Variants in NADK2 observed in about 807,000 individuals in gnomAD.
The protein encoded by NADK2 is NAD kinase domain-containing protein 1, mitochondrial.
Under a neutral mutation model 62.1 loss-of-function variants are expected in NADK2, and 35 were observed. That is an observed-to-expected ratio of 0.56 (90% CI 0.43 to 0.75). The LOEUF is 0.75. Among genes scored for constraint, NADK2 ranks in the 30% least tolerant of loss-of-function variants. The pLI, the probability that NADK2 is intolerant of heterozygous loss-of-function variation, is 0.00. For synonymous variants in NADK2, 205 were observed against 207.9 expected (o/e 0.99, Z 0.12); for missense variants, 439 against 561.3 (o/e 0.78, Z 2.20).
At position 36,241,054 on chromosome 5, in the gene NADK2, G is replaced by T. The variant is rs1748092865; in HGVS notation, c.300+445C>A. ...CCCGGCAGCCCTCAGCGGCGCCCTG[G>T]GCCCCCTTTCTCGCGGCGGCCAGGG... On this transcript the variant is annotated intron_variant, in intron 1 of 11. Coordinates refer to ENST00000381937, the MANE Select transcript of NADK2 (RefSeq NM_001085411.3). This position sits in a 1 kb window ranked among gnomAD's most constrained non-coding sequence, Gnocchi z 4.9. Among the ~76,000 whole-genome samples the T allele has an allele frequency of 6.6e-6, 1 of 152,148 alleles. No individual in the cohort carries two copies. Among genetic ancestry groups the T allele is most frequent in the Non-Finnish European group, 1.5e-5 (1 of 68,016 alleles).
chr5:36,226,611 T>C, intron 2 of NADK2, 48 bp from the exon 3 acceptor site: 1 of 1,307,886 alleles, frequency 7.6e-7, no homozygotes, highest in Non-Finnish European at 1.1e-6. Context: ...TAATAATATA[T>C]ATAACAGGGG....
chr5:36,196,239 AG>A (rs1746228676), intron 11 of NADK2, among the ~76,000 whole-genome samples: 1 of 152,180 alleles, frequency 6.6e-6, no homozygotes, highest in African/African-American at 2.4e-5. Context: ...CAATTTTCCA[AG>A]CTATATATTC....
At chr5:36,240,731 G>A (rs1748076660) in intron 1 of NADK2, among the ~76,000 whole-genome samples, 1 of 152,050 alleles carries the variant, frequency 6.6e-6, no homozygotes, top group Admixed American at 6.5e-5. Flanking sequence ...TATCAAATAT[G>A]GTATATTGTG....
intron 6 of NADK2, among the ~76,000 whole-genome samples, chr5:36,216,877 G>C: frequency 6.6e-6 from 1 of 152,190 alleles, no homozygotes; most frequent in Admixed American, 6.5e-5. Flanking sequence ...TTCAAAAACA[G>C]TAATAGAAGT....
chr5:36,220,650 A>G (rs572727659), intron 4 of NADK2, among the ~76,000 whole-genome samples: 2 of 152,334 alleles, frequency 1.3e-5, no homozygotes, highest in East Asian at 1.9e-4. Context: ...CACAATGTTA[A>G]GTATATAAAA....
chr5:36,215,528 A>G (rs1239740913), intron 6 of NADK2, among the ~76,000 whole-genome samples: 1 of 152,136 alleles, frequency 6.6e-6, no homozygotes, highest in Non-Finnish European at 1.5e-5. Flanking sequence ...CTACTATGCT[A>G]TTGAACGTTA....
chr5:36,237,278 A>G (rs1419657339), intron 1 of NADK2, among the ~76,000 whole-genome samples: 1 of 152,212 alleles, frequency 6.6e-6, no homozygotes, highest in East Asian at 1.9e-4. Context: ...AGTAACATAC[A>G]TACTATTTTT....
At chr5:36,201,305 T>C (rs1333312147) in intron 8 of NADK2, 144 bp from the exon 9 acceptor site, 16 of 668,100 alleles carry the variant, frequency 2.4e-5, no homozygotes, top group Admixed American at 8.1e-5. Context: ...TGGTAAATAA[T>C]GTGCTAGTAT....
At chr5:36,232,579 CCTAAAGA>C (rs66531175) in intron 1 of NADK2, among the ~76,000 whole-genome samples, 59,892 of 151,480 alleles carry the variant, frequency 0.4, 15,271 homozygotes, top group Non-Finnish European at 0.57. Flanking sequence ...TGCACTGAAC[CCTAAAGA>C]CTTCTTCACA....
chr5:36,197,804 C>A, intron 10 of NADK2, 140 bp from the exon 11 acceptor site: 2 of 645,144 alleles, frequency 3.1e-6, no homozygotes, highest in Non-Finnish European at 4.8e-6. Flanking sequence ...ACTCGTAACA[C>A]ATATTCCATT....
upstream of NADK2, chr5:36,242,016 A>C (rs1748161190): frequency 4.0e-6 from 1 of 250,948 alleles, no homozygotes; most frequent in African/African-American, 2.3e-5. Context: ...GGGAGACCCC[A>C]CGCGGGAGAA....
chr5:36,232,479 TA>T lies in NADK2; in HGVS notation c.301-4915del, dbSNP rs552557866. On this transcript the variant is annotated intron_variant, in intron 1 of 11. Transcript: ENST00000381937. ...ATACACATTTAACTAAATGGTACTC[TA>T]AGTGTTACTCAAAATTGCCTTAAAA... Among the ~76,000 whole-genome samples, 70 of 152,284 alleles carry T rather than the reference TA, an allele frequency of 4.6e-4. 1 individual carries two copies. The South Asian group carries it at 0.014, about 30-fold the overall frequency.
rs192823049 is a variant in NADK2 at position 36,234,627 on chromosome 5, T to C, written c.300+6872A>G. Among the ~76,000 whole-genome samples the C allele has an allele frequency of 4.8e-3, 725 of 152,224 alleles. 4 individuals are homozygous for C. The highest frequency in any genetic ancestry group is 7.4e-3 in the Non-Finnish European group (505 of 68,012). ...AAGGCAGTGGTTACCTCTGGTGAGG[T>C]AGGGAGTGGGAAAAGTTGGATGCAT... On this transcript the variant is annotated intron_variant, in intron 1 of 11. Transcript: ENST00000381937.
At chr5:36,201,261 T>C (rs754401462) in intron 8 of NADK2, 100 bp from the exon 9 acceptor site, 57 of 1,039,244 alleles carry the variant, frequency 5.5e-5, no homozygotes, top group Non-Finnish European at 7.9e-5. Flanking sequence ...TCTTAGAAAT[T>C]AGGAGGAAGT....
chr5:36,215,380 T>C (rs1747004798), intron 6 of NADK2, among the ~76,000 whole-genome samples: 1 of 152,238 alleles, frequency 6.6e-6, no homozygotes, highest in Non-Finnish European at 1.5e-5. Context: ...CAATGTATAA[T>C]GATCAAATCA....
At chr5:36,233,299 A>T (rs1301879738) in intron 1 of NADK2, among the ~76,000 whole-genome samples, 3 of 152,166 alleles carry the variant, frequency 2.0e-5, no homozygotes. Context: ...CGTCGTATGA[A>T]AACAAAAGCC....
chr5:36,212,065 T>C (rs773453475), intron 6 of NADK2, 143 bp from the exon 7 acceptor site: 9 of 604,430 alleles, frequency 1.5e-5, no homozygotes, highest in Middle Eastern at 7.0e-4. Context: ...ATTTAAATTA[T>C]CTTTTACTTA....
chr5:36,223,122 T>G (rs1012127407), intron 4 of NADK2, among the ~76,000 whole-genome samples: 9 of 152,040 alleles, frequency 5.9e-5, no homozygotes, highest in Non-Finnish European at 1.3e-4. Context: ...ACACAGGACT[T>G]TCAGTGCTAA....
rs571638167 is a variant in NADK2 at position 36,236,655 on chromosome 5, CTT to C, written c.300+4842_300+4843del. The stretch of plus-strand genomic sequence containing the variant: ...ACAGAACATCAGAAACATTTTACTA[CTT>C]TTTTTAGTGGAAGTATGGGGGTGGA... On this transcript the variant is annotated intron_variant, in intron 1 of 11. Coordinates refer to ENST00000381937, the MANE Select transcript of NADK2 (RefSeq NM_001085411.3). Among the ~76,000 whole-genome samples the C allele has an allele frequency of 2.4e-3, 362 of 152,180 alleles. 1 individual carries two copies. Among genetic ancestry groups the C allele is most frequent in the African/African-American group, 8.5e-3 (352 of 41,518 alleles).
Sources: allele counts gnomAD v4.1 joint callset (sites outside exome capture counted in the v4.1 genomes callset), GRCh38; gene constraint gnomAD v4.1.1; non-coding constraint Gnocchi (gnomAD v3.1); transcripts MANE v1.5; gene names NCBI Gene and HGNC (gene_info 2026-07-23, HGNC 2026-07-21).